The following PRR5 variants were observed in gnomAD, a reference collection of about 807,000 sequenced individuals.
PRR5 encodes proline-rich protein 5.
Under a neutral mutation model 30.6 loss-of-function variants are expected in PRR5, and 25 were observed. The ratio of observed to expected loss-of-function variants is 0.82; its 90% CI spans 0.60 to 1.14. The LOEUF (loss-of-function observed/expected upper bound fraction) is 1.14, where lower values mean the gene tolerates loss of function less well. Among genes scored for constraint, PRR5 ranks in the 50% most tolerant of loss-of-function variants. The probability of loss-of-function intolerance (pLI) is 0.00; values close to 1 mark genes in which losing one functional copy is unlikely to be tolerated. For synonymous variants in PRR5, 286 were observed against 247.1 expected (o/e 1.16, Z -1.48); for missense variants, 600 against 547.1 (o/e 1.10, Z -0.96).
intron 1 of PRR5, among the ~76,000 whole-genome samples, chr22:44,693,832 CAG>C (rs1448951085): frequency 2.8e-5 from 3 of 106,240 alleles, no homozygotes; most frequent in Admixed American, 2.4e-4. Flanking sequence ...TTAGTAGAGA[CAG>C]GGTTTCACCG....
chr22:44,734,721 C>G (rs1002728230), intron 6 of PRR5: 3 of 422,900 alleles, frequency 7.1e-6, no homozygotes, highest in Non-Finnish European at 1.3e-5. Flanking sequence ...CTCTTGAGTA[C>G]AGGGCCCCTC....
At chr22:44,675,569 C>T (rs76339370), upstream of PRR5, among the ~76,000 whole-genome samples, 1,036 of 152,192 alleles carry the variant, frequency 6.8e-3, 6 homozygotes, top group African/African-American at 0.022. Context: ...TGCACAATGA[C>T]GTGGAAAGCT....
At chr22:44,725,381 C>T (rs1920926990) in intron 3 of PRR5, 89 bp downstream of exon 3, 7 of 1,566,978 alleles carry the variant, frequency 4.5e-6, no homozygotes, top group Admixed American at 1.7e-5. Context: ...GGGTGTGGAG[C>T]GCCGGCTCCC....
chr22:44,736,900 G>C lies in PRR5; in HGVS notation c.820G>C (p.Gly274Arg). The change falls in exon 8 of 8, where the codon GGC (glycine) becomes CGC (arginine). Residue 274 changes from glycine to arginine, a missense_variant. Coordinates refer to ENST00000336985, the MANE Select transcript of PRR5 (RefSeq NM_181333.4). ...GCACGAGGCGGAGGGCGCGGCGGCC[G>C]GCGGTACCAGCATCCGCAGGCACTC... is the stretch of plus-strand genomic sequence containing the variant. ...QEHEAEGAAA[G>R]GTSIRRHSVS... The C allele has an allele frequency of 2.5e-6, 4 of 1,608,684 alleles. No homozygotes were observed. The highest frequency in any genetic ancestry group is 3.4e-6 in the Non-Finnish European group (4 of 1,178,686).
intron 2 of PRR5, among the ~76,000 whole-genome samples, chr22:44,722,680 G>C (rs1391877733): frequency 6.6e-6 from 1 of 152,168 alleles, no homozygotes; most frequent in South Asian, 2.1e-4. Flanking sequence ...TTGGGGGGAT[G>C]GTATGTTTAT....
At chr22:44,673,462 G>A (rs891850103), upstream of PRR5, among the ~76,000 whole-genome samples, 19 of 152,174 alleles carry the variant, frequency 1.2e-4, no homozygotes, top group African/African-American at 3.6e-4. Context: ...GGGCCTCTGC[G>A]TTCACTGTTC....
rs1041654802 is a variant in PRR5, at chr22:44,733,450, G to T, written c.555+1059G>T. Among the ~76,000 whole-genome samples, 6 of 152,342 alleles carry T rather than the reference G, an allele frequency of 3.9e-5. No individual in the cohort carries two copies. In the South Asian group the frequency reaches 8.3e-4, roughly 21 times the overall value. On this transcript the variant is annotated intron_variant, in intron 6 of 7. Transcript: ENST00000336985. The stretch of plus-strand genomic sequence containing the variant: ...CCCGTGAAGCTCTTTTAAAATTAGG[G>T]TCTGTGAGGACACTCGGGACCCTCA...
chr22:44,705,723 C>T (rs1360265722), intron 1 of PRR5, among the ~76,000 whole-genome samples: 1 of 151,988 alleles, frequency 6.6e-6, no homozygotes, highest in Non-Finnish European at 1.5e-5. Context: ...CTCCCGGGTT[C>T]AAGTGATTCT....
chr22:44,706,592 C>G (rs1375898570), intron 1 of PRR5, among the ~76,000 whole-genome samples: 1 of 152,192 alleles, frequency 6.6e-6, no homozygotes, highest in African/African-American at 2.4e-5. Context: ...TACAGTGGCA[C>G]AATCATGGCT....
intron 2 of PRR5, among the ~76,000 whole-genome samples, chr22:44,715,706 G>T (rs1202406847): frequency 3.9e-5 from 6 of 152,172 alleles, no homozygotes; most frequent in Admixed American, 3.9e-4. Flanking sequence ...AGGCTGGAGT[G>T]TGGGGGTGCA....
intron 5 of PRR5, 97 bp from the exon 6 acceptor site, chr22:44,732,154 G>A: frequency 6.4e-7 from 1 of 1,551,416 alleles, no homozygotes; most frequent in Non-Finnish European, 8.7e-7. Flanking sequence ...CTGAGGGTCG[G>A]CAGGTCTCTT....
At chr22:44,700,152 A>C (rs1361954814), upstream of PRR5, among the ~76,000 whole-genome samples, 1 of 152,220 alleles carries the variant, frequency 6.6e-6, no homozygotes, top group Middle Eastern at 3.4e-3. Context: ...CCTTGTCTCT[A>C]TTACAAAATT....
At chr22:44,689,815 A>C (rs1925083112) in intron 1 of PRR5, among the ~76,000 whole-genome samples, 1 of 152,028 alleles carries the variant, frequency 6.6e-6, no homozygotes, top group South Asian at 2.1e-4. Context: ...CGCCTGGCTA[A>C]TTTTTGTATT....
intron 1 of PRR5, among the ~76,000 whole-genome samples, chr22:44,685,450 A>G (rs41515447): frequency 0.081 from 12,359 of 152,214 alleles, 669 homozygotes; most frequent in East Asian, 0.27. Context: ...TCCACCCCAA[A>G]TCTGTGGATG....
chr22:44,701,962 G>T (rs1926346855), upstream of PRR5, among the ~76,000 whole-genome samples: 1 of 152,162 alleles, frequency 6.6e-6, no homozygotes, highest in South Asian at 2.1e-4. Context: ...TGCGTCCTGT[G>T]CGTGTTGGTT....
Position 44,732,270 on chromosome 22 carries a change from G to A in PRR5, c.434G>A (p.Arg145His), listed in dbSNP as rs756496219. The change falls in exon 6 of 8, where the codon CGC (arginine) becomes CAC (histidine). Residue 145 changes from arginine (R) to histidine (H), a missense_variant. Physicochemically the swap from Arg to His is conservative, Grantham distance 29. Coordinates refer to ENST00000336985, the MANE Select transcript of PRR5 (RefSeq NM_181333.4). ...CCACAGGGCAAGGAGCCATCGGTGC[G>A]CCAGCTGGCCCTGCTGCACTTCCGG... ...YPVQGKEPSV[R>H]QLALLHFRNA... 1.1e-5 allele frequency: 18 copies of A among 1,611,680 alleles called. No individual in the cohort carries two copies. Among genetic ancestry groups the A allele is most frequent in the South Asian group, 3.3e-5 (3 of 91,016 alleles).
At chr22:44,688,298 C>T (rs191205147) in intron 1 of PRR5, among the ~76,000 whole-genome samples, 13 of 151,966 alleles carry the variant, frequency 8.6e-5, no homozygotes, top group African/African-American at 1.9e-4. Flanking sequence ...GCAGGAGAAT[C>T]GCTTGAACCT....
intron 1 of PRR5, 95 bp from the exon 2 acceptor site, chr22:44,714,496 C>T: frequency 1.3e-6 from 2 of 1,534,474 alleles, no homozygotes; most frequent in South Asian, 1.2e-5. Flanking sequence ...CTATCCTGCC[C>T]TTCTAGGAGA....
chr22:44,703,688 A>T (rs1165547408), intron 1 of PRR5, among the ~76,000 whole-genome samples: 2 of 152,066 alleles, frequency 1.3e-5, no homozygotes, highest in East Asian at 3.9e-4. Context: ...CCTGTTGGGA[A>T]ATCTCCCTGA....
Sources: gnomAD v4.1 joint callset for allele counts (sites outside exome capture counted in the v4.1 genomes callset) on GRCh38, gnomAD v4.1.1 for gene constraint, MANE v1.5 for transcripts, NCBI Gene and HGNC (gene_info 2026-07-23, HGNC 2026-07-21) for gene names.